The following EP400 variants were observed in gnomAD, a reference collection of about 807,000 sequenced individuals.
EP400 encodes E1A binding protein p400.
In EP400, 105 loss-of-function variants were observed where a neutral mutation model predicts 354.1. That is an observed-to-expected ratio of 0.30 (90% CI 0.25 to 0.35). The LOEUF (loss-of-function observed/expected upper bound fraction) is 0.35, where lower values mean the gene tolerates loss of function less well. Among genes scored for constraint, EP400 ranks in the 10% least tolerant of loss-of-function variants. The pLI is 1.00. For missense variants in EP400, 3,280 were observed against 4,121.0 expected, an observed-to-expected ratio of 0.80 and a Z score of 5.59; for synonymous variants, 1,646 against 1,716.9, an observed-to-expected ratio of 0.96 and a Z score of 1.02.
intron 12 of EP400, among the ~76,000 whole-genome samples, chr12:131,997,481 C>G (rs1893254278): frequency 6.6e-6 from 1 of 152,012 alleles, no homozygotes. Context: ...GTCTCAAACT[C>G]CTGGGCTCAA....
At chr12:131,999,541 C>T (rs1033867635) in intron 12 of EP400, among the ~76,000 whole-genome samples, 3 of 152,010 alleles carry the variant, frequency 2.0e-5, no homozygotes, top group Non-Finnish European at 4.4e-5. Flanking sequence ...TGGGTTCAAG[C>T]GATTCTCCTG....
intron 15 of EP400, among the ~76,000 whole-genome samples, chr12:132,007,738 A>C (rs1478981372): frequency 6.6e-6 from 1 of 152,158 alleles, no homozygotes; most frequent in Non-Finnish European, 1.5e-5. Context: ...AGAAGAGGGG[A>C]TTTGGCCTTG....
At position 132,062,210 on chromosome 12, in the gene EP400, C is replaced by G. The variant is rs1484803075; in HGVS notation, c.7985C>G (p.Ala2662Gly). ...ATATPDLVSM[A>G]TTQGVRAVTS... ...GCGACCCCTGACCTGGTGTCCATGG[C>G]AACGACTCAGGGTGTTCGAGCGGTC... The change falls in exon 46 of 53, where the codon GCA (alanine) becomes GGA (glycine). Residue 2662 changes from alanine (A) to glycine (G), a missense_variant. Physicochemically the swap from Ala to Gly is moderately conservative, Grantham distance 60. This residue lies in a region of EP400 where 255 missense variants were observed against 295.9 expected (regional missense o/e 0.86). Coordinates refer to ENST00000389561, the MANE Select transcript of EP400 (RefSeq NM_015409.5). The G allele has an allele frequency of 1.9e-6, 3 of 1,614,224 alleles. No homozygotes were observed. In the South Asian group the frequency reaches 3.3e-5, roughly 18 times the overall value.
chr12:132,011,637 ATT>A lies in EP400; in HGVS notation c.3441+12_3441+13del. On this transcript the variant is annotated splice_donor_5th_base_variant and intron_variant, in intron 16 of 52. Transcript: ENST00000389561. ...GAGAACTCAAAGCAAAGAGACAGGT[ATT>A]TTTTTTTTAAACATAAAATAAAGCT... is the stretch of plus-strand genomic sequence containing the variant. 1 of 1,506,428 alleles carries A rather than the reference ATT, an allele frequency of 6.6e-7. No homozygotes were observed. Among genetic ancestry groups the A allele is most frequent in the Non-Finnish European group, 9.0e-7 (1 of 1,115,574 alleles). The allele number at this position is 1,506,428 out of a possible 1,614,324, so 93.3% of individuals were successfully genotyped here. A position where few individuals can be genotyped will look rare whatever the true frequency, so the allele number is the denominator to read the frequency against.
In EP400 at chr12:132,018,445, C is replaced by G; in HGVS notation, c.4277+69C>G. 2 of 1,527,152 alleles carry G rather than the reference C, an allele frequency of 1.3e-6. No homozygotes were observed. Among genetic ancestry groups the G allele is most frequent in the Admixed American group, 2.3e-5 (1 of 44,246 alleles). 94.6% of individuals were successfully genotyped at this position (1,527,152 alleles called of 1,614,324 possible). ...CCCCCACAGCTGACCCAGGTCTATG[C>G]GTGGTGAAAAGAAAGGCTGCTAATG... On this transcript the variant is annotated intron_variant, in intron 21 of 52. Coordinates refer to ENST00000389561, the MANE Select transcript of EP400 (RefSeq NM_015409.5). The surrounding 1 kb of genome is among the most constrained non-coding windows in gnomAD (Gnocchi z 4.0).
rs369429930 is a variant in EP400, at chr12:131,990,117, G to A, written c.2550+13G>A. The A allele has an allele frequency of 7.5e-6, 12 of 1,594,594 alleles. No individual in the cohort carries two copies. Among genetic ancestry groups the A allele is most frequent in the East Asian group, 6.7e-5 (3 of 44,632 alleles). On this transcript the variant is annotated intron_variant, in intron 8 of 52. Coordinates refer to ENST00000389561, the MANE Select transcript of EP400 (RefSeq NM_015409.5). This position sits in a 1 kb window ranked among gnomAD's most constrained non-coding sequence, Gnocchi z 4.2. ...GAATATTGAACAGGCGAGTGCTGCCGTTGTCATGGGGTCGTAAGAATCAGT... is the reference window on the plus strand; with the variant it reads ...GAATATTGAACAGGCGAGTGCTGCCATTGTCATGGGGTCGTAAGAATCAGT...
At chr12:132,039,372 G>T (rs904326801) in intron 32 of EP400, among the ~76,000 whole-genome samples, 6 of 152,130 alleles carry the variant, frequency 3.9e-5, no homozygotes, top group East Asian at 1.9e-4. Flanking sequence ...TGGAAGGGGA[G>T]GGGGGAGCTG....
chr12:132,001,241 G>A (rs1893400843), intron 12 of EP400, among the ~76,000 whole-genome samples: 1 of 152,138 alleles, frequency 6.6e-6, no homozygotes, highest in Non-Finnish European at 1.5e-5. Context: ...TGGATACAAA[G>A]CAAAAGGGGC....
chr12:132,041,978 A>T, intron 32 of EP400, among the ~76,000 whole-genome samples: 1 of 136,334 alleles, frequency 7.3e-6, no homozygotes, highest in Non-Finnish European at 1.5e-5. Flanking sequence ...TTTAAGACGG[A>T]GTCCCACTCA....
chr12:132,065,172 C>T (rs1231510152), intron 48 of EP400: 8 of 545,448 alleles, frequency 1.5e-5, no homozygotes, highest in African/African-American at 1.1e-4. Flanking sequence ...CGTGGCTTCC[C>T]TGTGCTGCTG....
At chr12:132,069,664 G>C (rs1189562729) in intron 51 of EP400, 23 bp downstream of exon 51, 1 of 1,612,352 alleles carries the variant, frequency 6.2e-7, no homozygotes, top group Admixed American at 1.7e-5. Flanking sequence ...CAGGGTGAGG[G>C]CCCGAGTGTC....
intron 45 of EP400, 84 bp downstream of exon 45, chr12:132,055,292 T>C (rs1895447853): frequency 8.8e-7 from 1 of 1,132,470 alleles, no homozygotes; most frequent in Admixed American, 2.8e-5. Context: ...TCTTCTTCTT[T>C]TTAAGTATTC....
At chr12:131,957,888 A>G (rs1429630594) in intron 1 of EP400, among the ~76,000 whole-genome samples, 1 of 152,074 alleles carries the variant, frequency 6.6e-6, no homozygotes, top group Admixed American at 6.6e-5. Flanking sequence ...GAGCCACCAG[A>G]CCCCACCATG....
intron 19 of EP400, among the ~76,000 whole-genome samples, chr12:132,014,884 G>T (rs978500923): frequency 7.9e-5 from 12 of 152,194 alleles, no homozygotes; most frequent in Non-Finnish European, 1.3e-4. Flanking sequence ...GTGGTTTGTG[G>T]AGACTAGGGG....
At chr12:131,991,587 T>G (rs1378730636) in intron 10 of EP400, 131 bp downstream of exon 10, 5 of 895,946 alleles carry the variant, frequency 5.6e-6, no homozygotes, top group Non-Finnish European at 8.5e-6. Context: ...TTTTTTTTTT[T>G]TTTTTGTTTT....
chr12:131,987,491 G>T (rs1327564266), intron 6 of EP400, among the ~76,000 whole-genome samples: 3 of 152,154 alleles, frequency 2.0e-5, no homozygotes, highest in African/African-American at 7.2e-5. Flanking sequence ...TAAGGCTCCT[G>T]GAAGGGTCAC....
chr12:131,972,726 T>G (rs1197212313), intron 2 of EP400, among the ~76,000 whole-genome samples: 9 of 75,022 alleles, frequency 1.2e-4, no homozygotes, highest in Admixed American at 6.9e-4. Context: ...TAACACAACC[T>G]TTTTTTTTTT....
intron 48 of EP400, 122 bp from the exon 49 acceptor site, chr12:132,066,652 C>CGTATCATTAAAAAA: frequency 1.9e-6 from 2 of 1,043,982 alleles, no homozygotes; most frequent in South Asian, 1.6e-5. Context: ...CCTGTTGGGC[C>CGTATCATTAAAAAA]ACTTTAAACT....
rs747205693 is a variant in EP400, at chr12:132,044,907, T to C, written c.6738T>C (p.Pro2246=). The C allele has an allele frequency of 5.0e-6, 8 of 1,614,024 alleles. No individual in the cohort carries two copies. The highest frequency in any genetic ancestry group is 1.1e-5 in the South Asian group (1 of 91,088). ...ATPIPEAKLP[P]VYVRKERKRH... ...CCATCCCAGAGGCTAAGCTGCCCCC[T>C]GTGTACGTGAGGAAGGAGCGGAAGC... Residue 2246 remains proline (P), a synonymous_variant, in exon 37 of 53, where the codon CCT becomes CCC. Transcript: ENST00000389561.
Sources: gnomAD v4.1 joint callset for allele counts (sites outside exome capture counted in the v4.1 genomes callset) on GRCh38, gnomAD v4.1.1 for gene constraint, gnomAD v4.1.1 regional missense constraint, Gnocchi (gnomAD v3.1) non-coding constraint, MANE v1.5 for transcripts, NCBI Gene and HGNC (gene_info 2026-07-23, HGNC 2026-07-21) for gene names.